Variants in GALNT7 observed in about 807,000 individuals in gnomAD.
GALNT7 encodes N-acetylgalactosaminyltransferase 7.
In GALNT7, 60 loss-of-function variants were observed where a neutral mutation model predicts 82.1. That is an observed-to-expected ratio of 0.73 (90% CI 0.59 to 0.91). The LOEUF (loss-of-function observed/expected upper bound fraction) is 0.91, where lower values mean the gene tolerates loss of function less well. Among genes scored for constraint, GALNT7 ranks in the 40% least tolerant of loss-of-function variants. The probability of loss-of-function intolerance (pLI) is 0.00; values close to 1 mark genes in which losing one functional copy is unlikely to be tolerated. For synonymous variants in GALNT7, 243 were observed against 275.1 expected (o/e 0.88, Z 1.15); for missense variants, 660 against 804.2 (o/e 0.82, Z 2.17).
intron 1 of GALNT7, among the ~76,000 whole-genome samples, chr4:173,225,382 G>T (rs779708302): frequency 3.4e-4 from 52 of 152,252 alleles, no homozygotes; most frequent in Non-Finnish European, 6.6e-4. Context: ...GCAGGAAGAT[G>T]GTATAGGGAG....
At position 173,248,084 on chromosome 4, in the gene GALNT7, A is replaced by G. The variant is rs1734717895; in HGVS notation, c.231A>G (p.Gly77=). 1 of 1,613,390 alleles carries G rather than the reference A, an allele frequency of 6.2e-7. No homozygotes were observed. Residue 77 remains glycine (G), a synonymous_variant, in exon 2 of 12, where the codon GGA becomes GGG. Coordinates refer to ENST00000265000, the MANE Select transcript of GALNT7 (RefSeq NM_017423.3). ...TGGTACCATGGCCTCATGTTGAAGGAGTAGAAGTGGACTTAGAGTCTATTA... is the reference window on the plus strand; with the variant it reads ...TGGTACCATGGCCTCATGTTGAAGGGGTAGAAGTGGACTTAGAGTCTATTA... ...KPVVPWPHVE[G]VEVDLESIRR...
chr4:173,201,288 A>C (rs1343787301), intron 1 of GALNT7, among the ~76,000 whole-genome samples: 1 of 152,140 alleles, frequency 6.6e-6, no homozygotes, highest in Non-Finnish European at 1.5e-5. Flanking sequence ...GCCATTCTTG[A>C]TATAAGTTGT....
chr4:173,306,362 T>C (rs1182208285), intron 8 of GALNT7, among the ~76,000 whole-genome samples: 2 of 152,234 alleles, frequency 1.3e-5, no homozygotes. Context: ...TGTCTTTTCT[T>C]TCTCTTGTCT....
At chr4:173,313,464 G>A (rs1472381373) in intron 8 of GALNT7, among the ~76,000 whole-genome samples, 4 of 151,566 alleles carry the variant, frequency 2.6e-5, no homozygotes, top group East Asian at 1.9e-4. Flanking sequence ...CTAGCTACTC[G>A]GGAAGCTGAG....
intron 1 of GALNT7, among the ~76,000 whole-genome samples, chr4:173,196,848 T>TATAGTGTA (rs1331174298): frequency 6.6e-6 from 1 of 152,204 alleles, no homozygotes; most frequent in Non-Finnish European, 1.5e-5. Flanking sequence ...GTTTGATGAC[T>TATAGTGTA]ATAGTGTAAT....
rs17059199 is a variant in GALNT7, at chr4:173,198,526, A to G, written c.126+29565A>G. On this transcript the variant is annotated intron_variant, in intron 1 of 11. Coordinates refer to ENST00000265000, the MANE Select transcript of GALNT7 (RefSeq NM_017423.3). ...AAATACAAAAAATTCATGTGGCCAG[A>G]TAAGTTCTATGACCAGATAAGTCTG... Among the ~76,000 whole-genome samples, 1,353 of 152,278 alleles carry G rather than the reference A, an allele frequency of 8.9e-3. 18 individuals carry two copies. Among genetic ancestry groups the G allele is most frequent in the African/African-American group, 0.031 (1,290 of 41,538 alleles).
chr4:173,295,596 C>A (rs59212575), intron 4 of GALNT7, 70 bp downstream of exon 4: 112 of 1,454,630 alleles, frequency 7.7e-5, no homozygotes, highest in Non-Finnish European at 1.0e-4. Flanking sequence ...CATTTTTAAT[C>A]ATTCTTCAGT....
intron 1 of GALNT7, among the ~76,000 whole-genome samples, chr4:173,220,418 G>T (rs977867631): frequency 1.3e-5 from 2 of 152,072 alleles, no homozygotes; most frequent in African/African-American, 4.8e-5. Flanking sequence ...TTTGAAGTTG[G>T]GAAATGTAAT....
chr4:173,205,991 G>A (rs546459230), intron 1 of GALNT7, among the ~76,000 whole-genome samples: 41 of 151,820 alleles, frequency 2.7e-4, no homozygotes, highest in African/African-American at 9.7e-4. Flanking sequence ...GGAAAGACTC[G>A]GAGGCTCAGT....
intron 2 of GALNT7, 108 bp from the exon 3 acceptor site, chr4:173,292,000 A>T: frequency 1.5e-6 from 1 of 654,758 alleles, no homozygotes; most frequent in Non-Finnish European, 2.7e-6. Flanking sequence ...TCATTCACTT[A>T]CCGTAGTTAA....
rs193277684 is a variant in GALNT7 at position 173,254,001 on chromosome 4, T to G, written c.587+5561T>G. ...AGGTATTCTGATTCAAACAAATGAATTAAATATTTTGACTTATTGAATGAA... is the reference window on the plus strand; with the variant it reads ...AGGTATTCTGATTCAAACAAATGAAGTAAATATTTTGACTTATTGAATGAA... On this transcript the variant is annotated intron_variant, in intron 2 of 11. Transcript: ENST00000265000. Among the ~76,000 whole-genome samples, 8 of 152,328 alleles carry G rather than the reference T, an allele frequency of 5.3e-5. No individual in the cohort carries two copies. The East Asian group carries it at 1.5e-3, about 29-fold the overall frequency.
chr4:173,275,260 G>A (rs1165162687), intron 2 of GALNT7, among the ~76,000 whole-genome samples: 2 of 152,154 alleles, frequency 1.3e-5, no homozygotes, highest in East Asian at 3.8e-4. Context: ...AAGCTGAATG[G>A]TCCAATGACG....
At chr4:173,216,417 GA>G (rs1733465508) in intron 1 of GALNT7, among the ~76,000 whole-genome samples, 1 of 152,002 alleles carries the variant, frequency 6.6e-6, no homozygotes, top group Non-Finnish European at 1.5e-5. Context: ...GTCTGTGTTC[GA>G]ATCCTGACTT....
At chr4:173,222,432 C>T (rs1474134978) in intron 1 of GALNT7, among the ~76,000 whole-genome samples, 1 of 152,054 alleles carries the variant, frequency 6.6e-6, no homozygotes, top group Non-Finnish European at 1.5e-5. Context: ...CCACCATGTC[C>T]GACTAATTGT....
At chr4:173,232,043 T>C (rs1734046604) in intron 1 of GALNT7, among the ~76,000 whole-genome samples, 2 of 152,060 alleles carry the variant, frequency 1.3e-5, no homozygotes, top group African/African-American at 2.4e-5. Flanking sequence ...ATAAATGGAA[T>C]TGGAACTGAA....
At chr4:173,294,594 A>G (rs1736654078) in intron 3 of GALNT7, among the ~76,000 whole-genome samples, 1 of 152,130 alleles carries the variant, frequency 6.6e-6, no homozygotes, top group South Asian at 2.1e-4. Context: ...TTGTGTCCTC[A>G]AGAAGCATCT....
rs539835484 is a variant in GALNT7 at position 173,286,015 on chromosome 4, AAAAAAC to A, written c.588-6090_588-6085del. Among the ~76,000 whole-genome samples the A allele has an allele frequency of 2.4e-4, 36 of 152,386 alleles. No individual in the cohort carries two copies. The South Asian group carries it at 7.0e-3, about 30-fold the overall frequency. ...GAAAAAAGTAATTCAGTTGACTGAA[AAAAAAC>A]AACAACAACAAAAAACCTTTTCCAG... On this transcript the variant is annotated intron_variant, in intron 2 of 11. Coordinates refer to ENST00000265000, the MANE Select transcript of GALNT7 (RefSeq NM_017423.3).
At chr4:173,293,288 T>G (rs1736605904) in intron 3 of GALNT7, among the ~76,000 whole-genome samples, 2 of 152,152 alleles carry the variant, frequency 1.3e-5, no homozygotes, top group African/African-American at 4.8e-5. Context: ...TTGTCTTTTT[T>G]TTTTATCTTT....
chr4:173,261,041 C>T (rs1201736820), intron 2 of GALNT7, among the ~76,000 whole-genome samples: 1 of 152,232 alleles, frequency 6.6e-6, no homozygotes, highest in African/African-American at 2.4e-5. Flanking sequence ...TTCTGTCCCA[C>T]ATCATTTATT....
Sources: allele counts gnomAD v4.1 joint callset (sites outside exome capture counted in the v4.1 genomes callset), GRCh38; gene constraint gnomAD v4.1.1; transcripts MANE v1.5; gene names NCBI Gene and HGNC (gene_info 2026-07-23, HGNC 2026-07-21).